The following TMPRSS4 variants were observed in gnomAD, a reference collection of about 807,000 sequenced individuals.
The protein encoded by TMPRSS4 is transmembrane protease serine 4.
In TMPRSS4, 45 loss-of-function variants were observed where a neutral mutation model predicts 56.4. The observed-to-expected ratio is 0.80, with a 90% CI of 0.63 to 1.02. The LOEUF (loss-of-function observed/expected upper bound fraction) is 1.02, where lower values mean the gene tolerates loss of function less well. Ranked by LOEUF, TMPRSS4 falls within the 50% of genes least tolerant of loss-of-function variation. TMPRSS4 has a pLI of 0.00. For missense variants in TMPRSS4, 546 were observed against 556.7 expected, an observed-to-expected ratio of 0.98 and a Z score of 0.19; for synonymous variants, 205 against 211.0, an observed-to-expected ratio of 0.97 and a Z score of 0.25.
intron 3 of TMPRSS4, among the ~76,000 whole-genome samples, chr11:118,101,153 C>G (rs1485132186): frequency 6.6e-6 from 1 of 152,224 alleles, no homozygotes; most frequent in Non-Finnish European, 1.5e-5. Flanking sequence ...TGGCTCTACA[C>G]TGGAAGCACT....
chr11:118,082,980 A>T (rs1314748656), intron 1 of TMPRSS4, among the ~76,000 whole-genome samples: 2 of 152,164 alleles, frequency 1.3e-5, no homozygotes, highest in Non-Finnish European at 2.9e-5. Context: ...TATGGGACAC[A>T]GAGAGAAAAA....
At chr11:118,100,042 A>C (rs939198952) in intron 3 of TMPRSS4, among the ~76,000 whole-genome samples, 2 of 152,126 alleles carry the variant, frequency 1.3e-5, no homozygotes, top group African/African-American at 4.8e-5. Context: ...GAAGTAGGGC[A>C]CTGGGGACCA....
chr11:118,109,591 CA>C (rs1249714765), intron 7 of TMPRSS4, among the ~76,000 whole-genome samples: 1 of 152,124 alleles, frequency 6.6e-6, no homozygotes, highest in Non-Finnish European at 1.5e-5. Context: ...TTGTTTAGTC[CA>C]ACTGCCCATC....
chr11:118,118,984 T>C lies in TMPRSS4; in HGVS notation c.*1071T>C. The C allele has an allele frequency of 1.0e-6, 1 of 985,410 alleles. No homozygotes were observed. 61.0% of individuals were successfully genotyped at this position (985,410 alleles called of 1,614,324 possible). A position where few individuals can be genotyped will look rare whatever the true frequency, so the allele number is the denominator to read the frequency against. ...AAAATGGTCAAAGAATTAAACCCCATGGACTTTTTTGGCATCTGTATGAAA... is the reference window on the plus strand; with the variant it reads ...AAAATGGTCAAAGAATTAAACCCCACGGACTTTTTTGGCATCTGTATGAAA... On this transcript the variant is annotated 3_prime_UTR_variant, in exon 13 of 13. Coordinates refer to ENST00000437212, the MANE Select transcript of TMPRSS4 (RefSeq NM_019894.4).
At chr11:118,123,326 C>G (rs1288586848), downstream of TMPRSS4, among the ~76,000 whole-genome samples, 1 of 152,196 alleles carries the variant, frequency 6.6e-6, no homozygotes, top group African/African-American at 2.4e-5. Context: ...CTAAAGGCAT[C>G]TTCCCAAAAA....
chr11:118,099,009 G>A lies in TMPRSS4; in HGVS notation c.68G>A (p.Arg23His), dbSNP rs1049950180. ...GATGTCAAACCCCTGCGCAAACCCC[G>A]TATCCCCATGGAGACCTTCAGAAAG... ...SLDVKPLRKP[R>H]IPMETFRKVG... is the part of the protein sequence containing the mutation. The change falls in exon 3 of 13, where the codon CGT becomes CAT. Residue 23 changes from arginine to histidine, a missense_variant. By Grantham distance (29) the Arg-to-His change is conservative. Transcript: ENST00000437212. 17 of 1,613,462 alleles carry A rather than the reference G, an allele frequency of 1.1e-5. No individual in the cohort carries two copies. Among genetic ancestry groups the A allele is most frequent in the South Asian group, 4.4e-5 (4 of 91,034 alleles).
At chr11:118,115,591 G>A (rs561202975) in intron 11 of TMPRSS4, 9 of 257,764 alleles carry the variant, frequency 3.5e-5, no homozygotes, top group African/African-American at 8.6e-5. Context: ...AGGCTGAGGC[G>A]GGCAGGTGAT....
intron 1 of TMPRSS4, among the ~76,000 whole-genome samples, chr11:118,094,347 G>A (rs1946165284): frequency 6.6e-6 from 1 of 152,186 alleles, no homozygotes; most frequent in Non-Finnish European, 1.5e-5. Context: ...TATTTATGTA[G>A]AGAAATTTTA....
intron 11 of TMPRSS4, among the ~76,000 whole-genome samples, chr11:118,116,115 A>AT (rs1947534696): frequency 1.3e-5 from 2 of 151,488 alleles, no homozygotes; most frequent in Non-Finnish European, 1.5e-5. Context: ...TTCTTTTTTT[A>AT]TTTTTTCTTT....
At position 118,077,247 on chromosome 11, in the gene TMPRSS4, G is replaced by A. The variant is rs1461656764; in HGVS notation, c.-56G>A. The A allele has an allele frequency of 1.3e-6, 2 of 1,582,732 alleles. No individual in the cohort carries two copies. The highest frequency in any genetic ancestry group is 1.3e-5 in the African/African-American group (1 of 74,162). Reference sequence around the variant, plus strand: ...TGTGGGGAGGCCCTCCTGCTGCCTTGGGGTGACAATCTCAGCTCCAGGCTA... The same window carrying A: ...TGTGGGGAGGCCCTCCTGCTGCCTTAGGGTGACAATCTCAGCTCCAGGCTA... On this transcript the variant is annotated 5_prime_UTR_variant, in exon 1 of 13. Coordinates refer to ENST00000437212, the MANE Select transcript of TMPRSS4 (RefSeq NM_019894.4).
At chr11:118,116,715 CTTT>C (rs58251133) in intron 11 of TMPRSS4, among the ~76,000 whole-genome samples, 1 of 123,356 alleles carries the variant, frequency 8.1e-6, no homozygotes, top group Non-Finnish European at 1.6e-5. Flanking sequence ...GATAACCAGG[CTTT>C]TTTTTTTTTT....
chr11:118,095,696 T>C (rs1164099663), intron 2 of TMPRSS4, among the ~76,000 whole-genome samples: 3 of 152,180 alleles, frequency 2.0e-5, no homozygotes, highest in African/African-American at 7.2e-5. Flanking sequence ...AACGTGACTA[T>C]GCAGAACTGG....
intron 4 of TMPRSS4, among the ~76,000 whole-genome samples, chr11:118,104,090 G>A (rs1946867072): frequency 6.6e-6 from 1 of 152,074 alleles, no homozygotes; most frequent in African/African-American, 2.4e-5. Context: ...CCTGGTGCTT[G>A]GGCTCTGAAG....
chr11:118,115,024 C>A, intron 10 of TMPRSS4, 97 bp downstream of exon 10: 1 of 1,547,268 alleles, frequency 6.5e-7, no homozygotes, highest in Non-Finnish European at 8.8e-7. Context: ...TTCAGAGAAA[C>A]CCATCCTGGA....
Position 118,120,034 on chromosome 11 carries a change from C to T in TMPRSS4, c.*2121C>T, listed in dbSNP as rs1474700470. On this transcript the variant is annotated 3_prime_UTR_variant, in exon 13 of 13. Coordinates refer to ENST00000437212, the MANE Select transcript of TMPRSS4 (RefSeq NM_019894.4). ...CCTCCTCCCAATCTCTGGCAACCAC[C>T]ATTGTGCTTTCAGTCTCTGTGAACT... 1.3e-5 allele frequency: 2 copies of T among 152,200 alleles called. No individual in the cohort carries two copies. Among genetic ancestry groups the T allele is most frequent in the African/African-American group, 4.8e-5 (2 of 41,430 alleles). 9.4% of individuals were successfully genotyped at this position (152,200 alleles called of 1,614,324 possible).
chr11:118,103,351 C>T lies in TMPRSS4; in HGVS notation c.310+98C>T, dbSNP rs944179771. On this transcript the variant is annotated intron_variant, in intron 4 of 12. Coordinates refer to ENST00000437212, the MANE Select transcript of TMPRSS4 (RefSeq NM_019894.4). ...CATAGTATCTGCCCCCTACTTGTCA[C>T]TTTTCATCCTTGTTGTATAAGGTTC... 3.1e-5 allele frequency: 41 copies of T among 1,314,608 alleles called. No homozygotes were observed. In the South Asian group the frequency reaches 3.4e-4, roughly 11 times the overall value. The allele number at this position is 1,314,608 out of a possible 1,614,324, so 81.4% of individuals were successfully genotyped here. A position where few individuals can be genotyped will look rare whatever the true frequency, so the allele number is the denominator to read the frequency against.
intron 1 of TMPRSS4, among the ~76,000 whole-genome samples, chr11:118,090,006 G>A (rs987342648): frequency 1.2e-4 from 19 of 152,162 alleles, no homozygotes; most frequent in African/African-American, 4.1e-4. Context: ...CACCACACCT[G>A]GCTAATCTTT....
intron 1 of TMPRSS4, among the ~76,000 whole-genome samples, chr11:118,081,487 G>A (rs1449033714): frequency 6.6e-6 from 1 of 152,220 alleles, no homozygotes; most frequent in Non-Finnish European, 1.5e-5. Context: ...GTGGCCCCCA[G>A]AGCACCCTCC....
intron 11 of TMPRSS4, 26 bp downstream of exon 11, chr11:118,115,306 G>A: frequency 6.2e-7 from 1 of 1,610,124 alleles, no homozygotes; most frequent in Non-Finnish European, 8.5e-7. Context: ...ATCATGGGGA[G>A]TTCTAAGAAT....
Sources: gnomAD v4.1 joint callset for allele counts (sites outside exome capture counted in the v4.1 genomes callset) on GRCh38, gnomAD v4.1.1 for gene constraint, MANE v1.5 for transcripts, NCBI Gene and HGNC (gene_info 2026-07-23, HGNC 2026-07-21) for gene names.